Variants in CEP97 observed in about 807,000 individuals in gnomAD.
CEP97 encodes the protein centrosomal protein of 97 kDa.
Under a neutral mutation model 73.1 loss-of-function variants are expected in CEP97, and 43 were observed. The ratio of observed to expected loss-of-function variants is 0.59; its 90% CI spans 0.46 to 0.76. The LOEUF (loss-of-function observed/expected upper bound fraction) is 0.76. Among genes scored for constraint, CEP97 ranks in the 30% least tolerant of loss-of-function variants. The probability of loss-of-function intolerance (pLI) is 0.00; values close to 1 mark genes in which losing one functional copy is unlikely to be tolerated. For missense variants in CEP97, 939 were observed against 1,014.0 expected (o/e 0.93, Z 1.00); for synonymous variants, 337 against 370.0 (o/e 0.91, Z 1.02).
intron 4 of CEP97, among the ~76,000 whole-genome samples, chr3:101,731,449 C>T (rs1419326115): frequency 2.6e-5 from 4 of 152,124 alleles, no homozygotes; most frequent in East Asian, 3.9e-4. Context: ...AATCTTCCCT[C>T]CTTGGCCTCC....
Position 101,766,201 on chromosome 3 carries a change from T to C in CEP97, c.*650T>C, listed in dbSNP as rs542036881. On this transcript the variant is annotated 3_prime_UTR_variant, in exon 11 of 11. Coordinates refer to ENST00000341893, the MANE Select transcript of CEP97 (RefSeq NM_024548.4). ...AATGTCATGCATCAGTTTTAACATA[T>C]GAAGTAAAGTGTTCTATCCAGGATT... 2 of 152,360 alleles carry C rather than the reference T, an allele frequency of 1.3e-5. No homozygotes were observed. Among genetic ancestry groups the C allele is most frequent in the Non-Finnish European group, 2.9e-5 (2 of 68,030 alleles). 9.4% of individuals were successfully genotyped at this position (152,360 alleles called of 1,614,324 possible).
chr3:101,731,250 G>C (rs940149630), intron 4 of CEP97, among the ~76,000 whole-genome samples: 1 of 144,306 alleles, frequency 6.9e-6, no homozygotes, highest in Non-Finnish European at 1.5e-5. Context: ...ACCCAGGCTC[G>C]AGTGCAGTGG....
In CEP97 at chr3:101,757,828, G is replaced by T. The variant is rs138854860; in HGVS notation, c.1222G>T (p.Val408Phe). 278 of 1,614,252 alleles carry T rather than the reference G, an allele frequency of 1.7e-4. 2 individuals carry two copies. The African/African-American group carries it at 3.1e-3, about 18-fold the overall frequency. The change falls in exon 9 of 11, where the codon GTT becomes TTT. Residue 408 changes from valine (V) to phenylalanine (F), a missense_variant. Physicochemically the swap from Val to Phe is conservative, Grantham distance 50 (BLOSUM62 -1). Coordinates refer to ENST00000341893, the MANE Select transcript of CEP97 (RefSeq NM_024548.4). The stretch of plus-strand genomic sequence containing the variant: ...CTCTTCAGAGTCTACTTTTATGCCA[G>T]TTGCATCAGGACTGTCTCCACTATC... Reference protein sequence around the residue: ...LLSSESTFMPVASGLSPLSPT... With the variant: ...LLSSESTFMPFASGLSPLSPT...
intron 6 of CEP97, among the ~76,000 whole-genome samples, chr3:101,753,721 A>G (rs1319771767): frequency 2.0e-5 from 3 of 152,164 alleles, no homozygotes; most frequent in Non-Finnish European, 2.9e-5. Context: ...TGCGGGATAT[A>G]ATCTCCTGGT....
rs571686786 is a variant in CEP97, at chr3:101,740,450, C to T, written c.728+7796C>T. The stretch of plus-strand genomic sequence containing the variant: ...CTTCAAGGAGAACTACAAACCAGTG[C>T]TCAAGGAAATAAGAGAGGACACAAA... On this transcript the variant is annotated intron_variant, in intron 6 of 10. Transcript: ENST00000341893. Among the ~76,000 whole-genome samples, 4 of 152,266 alleles carry T rather than the reference C, an allele frequency of 2.6e-5. No homozygotes were observed. In the East Asian group the frequency reaches 7.7e-4, roughly 29 times the overall value.
At position 101,768,923 on chromosome 3, in the gene CEP97, CA is replaced by C. The variant is rs950194984; in HGVS notation, c.*3374del. On this transcript the variant is annotated 3_prime_UTR_variant, in exon 11 of 11. Transcript: ENST00000341893. ...ATAGGTTTAATTATAAAAGGCTTCA[CA>C]ATATGCATGTTTTAGGAAAATGTTC... The C allele has an allele frequency of 2.0e-5, 3 of 152,090 alleles. No homozygotes were observed. The highest frequency in any genetic ancestry group is 7.2e-5 in the African/African-American group (3 of 41,416). The allele number at this position is 152,090 out of a possible 1,614,324, so 9.4% of individuals were successfully genotyped here.
At chr3:101,759,251 A>G (rs1939105376) in intron 9 of CEP97, 1 of 152,224 alleles carries the variant, frequency 6.6e-6, no homozygotes, top group African/African-American at 2.4e-5. Context: ...ATCAGTAAAG[A>G]AAAAAGGTGC....
At chr3:101,753,285 G>T (rs1226822092) in intron 6 of CEP97, among the ~76,000 whole-genome samples, 1 of 152,210 alleles carries the variant, frequency 6.6e-6, no homozygotes, top group Non-Finnish European at 1.5e-5. Context: ...CCGGCTGTGT[G>T]AGGTGTCAGT....
rs368224122 is a variant in CEP97, at chr3:101,758,069, C to A, written c.1463C>A (p.Thr488Lys). Residue 488 changes from threonine to lysine, a missense_variant, in exon 9 of 11, where the codon ACA becomes AAA. By Grantham distance (78) the Thr-to-Lys change is moderately conservative. Coordinates refer to ENST00000341893, the MANE Select transcript of CEP97 (RefSeq NM_024548.4). ...GGACTATTACCTTGTCCTGAGCCAA[C>A]AATAATCAGTGCTATCTTGAAGGAT... Reference protein sequence around the residue: ...KAGLLPCPEPTIISAILKDDN... With the variant: ...KAGLLPCPEPKIISAILKDDN... 6.8e-6 allele frequency: 11 copies of A among 1,614,086 alleles called. No individual in the cohort carries two copies. Among genetic ancestry groups the A allele is most frequent in the Admixed American group, 1.7e-5 (1 of 60,008 alleles).
At chr3:101,741,986 G>T (rs1184887015) in intron 6 of CEP97, among the ~76,000 whole-genome samples, 1 of 151,090 alleles carries the variant, frequency 6.6e-6, no homozygotes, top group Non-Finnish European at 1.5e-5. Flanking sequence ...AGGTTGCAGT[G>T]AGCTGAGATT....
In CEP97 at chr3:101,765,523, A is replaced by G. The variant is rs1481758698; in HGVS notation, c.2570A>G (p.Gln857Arg). ...CAGCCAGAATGTGATTCTACATTTC[A>G]GCTATTGCATGTTGGTGTTACTGTG... ...GQQPECDSTFQLLHVGVTV is the reference protein window; with the variant it reads ...GQQPECDSTFRLLHVGVTV The change falls in exon 11 of 11, where the codon CAG becomes CGG. Residue 857 changes from glutamine (Q) to arginine (R), a missense_variant. Transcript: ENST00000341893. The G allele has an allele frequency of 4.3e-6, 7 of 1,612,892 alleles. No homozygotes were observed. In the South Asian group the frequency reaches 7.7e-5, roughly 18 times the overall value.
chr3:101,740,517 A>G (rs1041789986), intron 6 of CEP97, among the ~76,000 whole-genome samples: 6 of 152,238 alleles, frequency 3.9e-5, no homozygotes, highest in Non-Finnish European at 5.9e-5. Flanking sequence ...GGAAGAATCA[A>G]TATTGTGAAA....
At chr3:101,739,930 C>T (rs1011914848) in intron 6 of CEP97, among the ~76,000 whole-genome samples, 20 of 150,390 alleles carry the variant, frequency 1.3e-4, no homozygotes, top group African/African-American at 2.2e-4. Context: ...AGCACCCCTT[C>T]ATGCTAAAAA....
intron 6 of CEP97, among the ~76,000 whole-genome samples, chr3:101,753,553 C>T (rs1476407696): frequency 6.6e-6 from 1 of 152,244 alleles, no homozygotes; most frequent in African/African-American, 2.4e-5. Flanking sequence ...GTGGTGGGCT[C>T]CACCCAGTTC....
chr3:101,740,803 G>A (rs1938426636), intron 6 of CEP97, among the ~76,000 whole-genome samples: 1 of 152,158 alleles, frequency 6.6e-6, no homozygotes, highest in South Asian at 2.1e-4. Context: ...TGGTCAGACT[G>A]GTCTTGAACT....
At chr3:101,746,351 C>T (rs1938615635) in intron 6 of CEP97, among the ~76,000 whole-genome samples, 1 of 151,772 alleles carries the variant, frequency 6.6e-6, no homozygotes, top group Non-Finnish European at 1.5e-5. Context: ...TGGAACAGAA[C>T]AGAGCCCTCA....
At position 101,765,676 on chromosome 3, in the gene CEP97, T is replaced by C; in HGVS notation, c.*125T>C. On this transcript the variant is annotated 3_prime_UTR_variant, in exon 11 of 11. Transcript: ENST00000341893. ...TGTTACTACTTATATAGAATTTGTATTCATGTCTTATATTTTTCAGATTCT... is the reference window on the plus strand; with the variant it reads ...TGTTACTACTTATATAGAATTTGTACTCATGTCTTATATTTTTCAGATTCT... 1 of 700,288 alleles carries C rather than the reference T, an allele frequency of 1.4e-6. No individual in the cohort carries two copies. The allele number at this position is 700,288 out of a possible 1,614,324, so 43.4% of individuals were successfully genotyped here.
In CEP97 at chr3:101,732,638, A is replaced by G; in HGVS notation, c.712A>G (p.Ile238Val). 3 of 1,606,132 alleles carry G rather than the reference A, an allele frequency of 1.9e-6. No individual in the cohort carries two copies. The highest frequency in any genetic ancestry group is 2.6e-6 in the Non-Finnish European group (3 of 1,175,102). ...LNLRVLDGYV[I>V]SQKESLKAEW... ...CCTCAGAGTCCTAGATGGATATGTGATTTCTCAGAAGGAAAGGTAAACATG... is the reference window on the plus strand; with the variant it reads ...CCTCAGAGTCCTAGATGGATATGTGGTTTCTCAGAAGGAAAGGTAAACATG... Residue 238 changes from isoleucine (I) to valine (V), a missense_variant, in exon 6 of 11, where the codon ATT (isoleucine) becomes GTT (valine). Transcript: ENST00000341893.
intron 2 of CEP97, 51 bp from the exon 3 acceptor site, chr3:101,727,332 A>G (rs760547308): frequency 3.0e-5 from 44 of 1,474,236 alleles, no homozygotes; most frequent in Non-Finnish European, 3.8e-5. Context: ...TTAATGTGAA[A>G]TATTTTATAT....
Sources: allele counts gnomAD v4.1 joint callset (sites outside exome capture counted in the v4.1 genomes callset), GRCh38; gene constraint gnomAD v4.1.1; transcripts MANE v1.5; gene names NCBI Gene and HGNC (gene_info 2026-07-23, HGNC 2026-07-21).